SLC6A9: variants seen among roughly 807,000 people sequenced by gnomAD.
The protein encoded by SLC6A9 is solute carrier family 6 member 9.
In SLC6A9, 31 loss-of-function variants were observed where a neutral mutation model predicts 70.9. The ratio of observed to expected loss-of-function variants is 0.44; its 90% CI spans 0.33 to 0.59. The LOEUF is 0.59. SLC6A9 is among the 20% of genes least tolerant of loss of function. The probability of loss-of-function intolerance (pLI) is 0.04; values close to 1 mark genes in which losing one functional copy is unlikely to be tolerated. For missense variants in SLC6A9, 631 were observed against 845.2 expected (o/e 0.75, Z 3.14); for synonymous variants, 310 against 341.3 (o/e 0.91, Z 1.01).
chr1:44,005,618 C>T (rs932576292), intron 5 of SLC6A9, among the ~76,000 whole-genome samples: 5 of 152,186 alleles, frequency 3.3e-5, no homozygotes, highest in African/African-American at 4.8e-5. Flanking sequence ...ACCAGACGGG[C>T]GCAACACACA....
intron 5 of SLC6A9, among the ~76,000 whole-genome samples, chr1:44,007,106 C>T (rs1188948476): frequency 6.6e-6 from 1 of 152,188 alleles, no homozygotes; most frequent in Non-Finnish European, 1.5e-5. Flanking sequence ...TGCTCACCTG[C>T]TCATGTGGTT....
rs115391525 is a variant in SLC6A9 at position 44,012,539 on chromosome 1, T to G, written c.31-1657A>C. Reference sequence around the variant, plus strand: ...TTTCATTCATTCATTGATTCATTCATGCAATGGCAGATTTATTGACACTGG... The same window carrying G: ...TTTCATTCATTCATTGATTCATTCAGGCAATGGCAGATTTATTGACACTGG... On this transcript the variant is annotated intron_variant, in intron 2 of 13. Coordinates refer to ENST00000372310, the MANE Select transcript of SLC6A9 (RefSeq NM_001024845.3). 3.3e-3 allele frequency among the ~76,000 whole-genome samples: 508 copies of G among 152,376 alleles called. 1 individual carries two copies. The highest frequency in any genetic ancestry group is 5.4e-3 in the Admixed American group (82 of 15,304).
chr1:43,997,786 G>A lies in SLC6A9; in HGVS notation c.1708-47C>T, dbSNP rs1184665084. The A allele has an allele frequency of 1.3e-6, 2 of 1,590,218 alleles. No individual in the cohort carries two copies. Among genetic ancestry groups the A allele is most frequent in the Non-Finnish European group, 1.7e-6 (2 of 1,166,340 alleles). On this transcript the variant is annotated intron_variant, in intron 13 of 13. Coordinates refer to ENST00000372310, the MANE Select transcript of SLC6A9 (RefSeq NM_001024845.3). This position sits in a 1 kb window ranked among gnomAD's most constrained non-coding sequence, Gnocchi z 4.4. ...CACAGGGGCAGGGCACGTCAGGAGG[G>A]AGCCCTTAAGCCCCTTCCAGCTGGC...
chr1:44,012,655 T>G (rs544655775), intron 2 of SLC6A9, among the ~76,000 whole-genome samples: 2 of 152,318 alleles, frequency 1.3e-5, no homozygotes, highest in East Asian at 3.9e-4. Flanking sequence ...TGCAATGAAA[T>G]GTATACACCC....
intron 2 of SLC6A9, among the ~76,000 whole-genome samples, chr1:44,012,169 G>A (rs952006966): frequency 7.2e-5 from 11 of 152,242 alleles, no homozygotes; most frequent in African/African-American, 1.9e-4. Flanking sequence ...AGACATATTC[G>A]ACAGCAGTCA....
chr1:44,011,816 G>A, intron 2 of SLC6A9: 1 of 1,300,182 alleles, frequency 7.7e-7, no homozygotes, highest in Non-Finnish European at 1.1e-6. Context: ...TGGTGGCCTG[G>A]GCCCCACTGA....
chr1:44,024,460 G>C, intron 1 of SLC6A9, 98 bp from the exon 2 acceptor site: 2 of 690,624 alleles, frequency 2.9e-6, no homozygotes, highest in South Asian at 1.7e-5. Flanking sequence ...AGCCTGCCCA[G>C]GCCCTCTGCC....
At chr1:44,026,134 G>A (rs1447722038) in intron 1 of SLC6A9, among the ~76,000 whole-genome samples, 4 of 152,250 alleles carry the variant, frequency 2.6e-5, no homozygotes, top group Non-Finnish European at 5.9e-5. Flanking sequence ...GCTGGCCTGT[G>A]GCTCAACTTG....
intron 2 of SLC6A9, among the ~76,000 whole-genome samples, chr1:44,016,039 C>T (rs1374063035): frequency 6.6e-6 from 1 of 152,222 alleles, no homozygotes; most frequent in Admixed American, 6.5e-5. Context: ...AGAGCCCTGA[C>T]TGGCAGCAAG....
chr1:44,013,007 G>A lies in SLC6A9; in HGVS notation c.31-2125C>T, dbSNP rs1430223013. On this transcript the variant is annotated intron_variant, in intron 2 of 13. Transcript: ENST00000372310. This position sits in a 1 kb window ranked among gnomAD's most constrained non-coding sequence, Gnocchi z 5.3. The stretch of plus-strand genomic sequence containing the variant: ...GTCCCAAACAAATGCCAGCCAAATA[G>A]GGCTCCTATATGTTGACCCTACAAT... Among the ~76,000 whole-genome samples, 1 of 152,188 alleles carries A rather than the reference G, an allele frequency of 6.6e-6. No homozygotes were observed. The highest frequency in any genetic ancestry group is 1.5e-5 in the Non-Finnish European group (1 of 68,024).
chr1:44,021,485 T>A (rs1367030942), intron 2 of SLC6A9, among the ~76,000 whole-genome samples: 1 of 152,158 alleles, frequency 6.6e-6, no homozygotes, highest in Admixed American at 6.5e-5. Context: ...ACACAGGGTG[T>A]CTGCCGACAC....
intron 1 of SLC6A9, among the ~76,000 whole-genome samples, chr1:44,024,992 C>A (rs1343328101): frequency 1.3e-5 from 2 of 152,184 alleles, no homozygotes; most frequent in African/African-American, 2.4e-5. Context: ...CTTTTCTGAC[C>A]CTCTCTCTCA....
chr1:44,027,568 G>A (rs751719612), intron 1 of SLC6A9, among the ~76,000 whole-genome samples: 12 of 152,202 alleles, frequency 7.9e-5, no homozygotes, highest in Non-Finnish European at 1.6e-4. Context: ...AATATTGATT[G>A]CAGGTCTGCT....
chr1:44,016,857 G>A (rs2086762738), intron 2 of SLC6A9, among the ~76,000 whole-genome samples: 1 of 151,996 alleles, frequency 6.6e-6, no homozygotes, highest in South Asian at 2.1e-4. Context: ...CCACCACACA[G>A]CTAACTCTTC....
chr1:44,010,189 A>G (rs2086495165), intron 3 of SLC6A9, 93 bp from the exon 4 acceptor site: 1 of 1,415,974 alleles, frequency 7.1e-7, no homozygotes, highest in African/African-American at 1.4e-5. Flanking sequence ...AACCTTCGCG[A>G]TTGGGTAGGA....
In SLC6A9 at chr1:44,013,044, T is replaced by A. The variant is rs1474844739; in HGVS notation, c.31-2162A>T. ...GTTGACCCTACAATACCAGTTTTAT[T>A]CTGTCCCAGGGTTGTTTACTTAGGG... On this transcript the variant is annotated intron_variant, in intron 2 of 13. Coordinates refer to ENST00000372310, the MANE Select transcript of SLC6A9 (RefSeq NM_001024845.3). The surrounding 1 kb of genome is among the most constrained non-coding windows in gnomAD (Gnocchi z 5.3). 6.6e-6 allele frequency among the ~76,000 whole-genome samples: 1 copy of A among 152,204 alleles called. No homozygotes were observed. The highest frequency in any genetic ancestry group is 2.4e-5 in the African/African-American group (1 of 41,444).
intron 1 of SLC6A9, 50 bp from the exon 2 acceptor site, chr1:44,024,412 G>C: frequency 1.8e-6 from 2 of 1,117,398 alleles, no homozygotes; most frequent in Non-Finnish European, 2.7e-6. Flanking sequence ...GTGGCCCACA[G>C]GGCTCTCCAG....
At chr1:44,017,358 T>G in intron 2 of SLC6A9, 1 of 1,324,976 alleles carries the variant, frequency 7.5e-7, no homozygotes, top group African/African-American at 1.6e-5. Flanking sequence ...TCCCAGCAAG[T>G]AACTGGAACA....
In SLC6A9 at chr1:44,000,695, C is replaced by T. The variant is rs571905931; in HGVS notation, c.1536+72G>A. The T allele has an allele frequency of 1.1e-4, 112 of 1,020,118 alleles. 1 individual carries two copies. In the South Asian group the frequency reaches 1.5e-3, roughly 14 times the overall value. The allele number at this position is 1,020,118 out of a possible 1,614,324, so 63.2% of individuals were successfully genotyped here. A position where few individuals can be genotyped will look rare whatever the true frequency, so the allele number is the denominator to read the frequency against. ...GGTGCGGGAGCTCCCACTGTCCCTC[C>T]GCTGGGTCCCAAGAGATGGACACAT... On this transcript the variant is annotated intron_variant, in intron 12 of 13. Transcript: ENST00000372310.
Sources: allele counts gnomAD v4.1 joint callset (sites outside exome capture counted in the v4.1 genomes callset), GRCh38; gene constraint gnomAD v4.1.1; non-coding constraint Gnocchi (gnomAD v3.1); transcripts MANE v1.5; gene names NCBI Gene and HGNC (gene_info 2026-07-23, HGNC 2026-07-21).